TNIK: variants seen among roughly 807,000 people sequenced by gnomAD.
The protein encoded by TNIK is TRAF2 and NCK interacting kinase.
A neutral mutation model predicts 191.3 loss-of-function variants in TNIK; 49 were observed. That is an observed-to-expected ratio of 0.26 (90% CI 0.20 to 0.32). The LOEUF is 0.32. Ranked by LOEUF, TNIK falls within the 10% of genes least tolerant of loss-of-function variation. The pLI is 1.00. For synonymous variants in TNIK, 594 were observed against 600.9 expected, an observed-to-expected ratio of 0.99 and a Z score of 0.17; for missense variants, 1,155 against 1,702.3, an observed-to-expected ratio of 0.68 and a Z score of 5.66.
At chr3:171,151,770 G>A (rs1436036004) in intron 12 of TNIK, among the ~76,000 whole-genome samples, 3 of 152,308 alleles carry the variant, frequency 2.0e-5, no homozygotes, top group South Asian at 2.1e-4. Flanking sequence ...GGACTTTCCA[G>A]AGCATCAATA....
At chr3:171,115,691 G>T (rs904177089) in intron 18 of TNIK, among the ~76,000 whole-genome samples, 2 of 152,208 alleles carry the variant, frequency 1.3e-5, no homozygotes, top group Admixed American at 1.3e-4. Flanking sequence ...CACTGGGAGA[G>T]TGGAGTGATC....
intron 3 of TNIK, among the ~76,000 whole-genome samples, chr3:171,215,164 T>C (rs1428544729): frequency 6.6e-6 from 1 of 152,062 alleles, no homozygotes; most frequent in Non-Finnish European, 1.5e-5. Flanking sequence ...TCAACCCCCA[T>C]GTGAGAAACC....
chr3:171,301,598 AGC>A (rs2108271491), intron 2 of TNIK, among the ~76,000 whole-genome samples: 1 of 152,342 alleles, frequency 6.6e-6, no homozygotes, highest in South Asian at 2.1e-4. Context: ...TACAGGCGTG[AGC>A]CACCACATCC....
At chr3:171,067,745 T>C (rs1247676308) in intron 30 of TNIK, among the ~76,000 whole-genome samples, 1 of 152,052 alleles carries the variant, frequency 6.6e-6, no homozygotes, top group African/African-American at 2.4e-5. Context: ...AATGTGATGT[T>C]GTTGTGATCC....
At chr3:171,101,752 GACAA>G in intron 21 of TNIK, 119 bp from the exon 22 acceptor site, 3 of 921,774 alleles carry the variant, frequency 3.3e-6, no homozygotes, top group African/African-American at 1.7e-5. Flanking sequence ...ATAGAACTGT[GACAA>G]ACATAGTTAC....
chr3:171,087,247 G>T, intron 24 of TNIK, 95 bp downstream of exon 24: 1 of 1,532,066 alleles, frequency 6.5e-7, no homozygotes, highest in Non-Finnish European at 8.8e-7. Flanking sequence ...CAAGTTTCAA[G>T]GAGCTTGGCG....
intron 2 of TNIK, among the ~76,000 whole-genome samples, chr3:171,287,213 A>G (rs1021560118): frequency 6.6e-6 from 1 of 152,134 alleles, no homozygotes; most frequent in Non-Finnish European, 1.5e-5. Context: ...AACAGAAACA[A>G]CAAAAAAAAC....
intron 1 of TNIK, among the ~76,000 whole-genome samples, chr3:171,448,860 A>G (rs901742249): frequency 2.6e-5 from 4 of 152,090 alleles, no homozygotes; most frequent in East Asian, 1.9e-4. Flanking sequence ...CCATCAACCC[A>G]TCATATACAT....
chr3:171,322,632 A>G (rs1187012247), intron 2 of TNIK, among the ~76,000 whole-genome samples: 3 of 152,198 alleles, frequency 2.0e-5, no homozygotes, highest in African/African-American at 7.2e-5. Flanking sequence ...TACTTCTACC[A>G]TATACGCACA....
At chr3:171,424,890 A>T (rs908459835) in intron 1 of TNIK, among the ~76,000 whole-genome samples, 23 of 151,258 alleles carry the variant, frequency 1.5e-4, no homozygotes, top group African/African-American at 5.3e-4. Context: ...GTTAAATGAC[A>T]AGTTAATGGG....
chr3:171,178,587 A>G (rs910118083), intron 7 of TNIK, among the ~76,000 whole-genome samples: 4 of 152,174 alleles, frequency 2.6e-5, no homozygotes, highest in Non-Finnish European at 4.4e-5. Context: ...TCTGTGGCTC[A>G]GTAGTCTCTA....
chr3:171,348,039 C>CTAGG (rs2108428406), intron 2 of TNIK, among the ~76,000 whole-genome samples: 1 of 152,280 alleles, frequency 6.6e-6, no homozygotes, highest in African/African-American at 2.4e-5. Flanking sequence ...GTTGTCTGTG[C>CTAGG]ATGGTAGCCA....
chr3:171,212,467 C>T (rs1047184754), intron 3 of TNIK, among the ~76,000 whole-genome samples: 3 of 152,096 alleles, frequency 2.0e-5, no homozygotes, highest in African/African-American at 4.8e-5. Context: ...CTCTCTTCTC[C>T]CTATATTGTA....
At chr3:171,100,696 C>T (rs1170145039) in intron 22 of TNIK, among the ~76,000 whole-genome samples, 4 of 139,368 alleles carry the variant, frequency 2.9e-5, no homozygotes, top group East Asian at 2.1e-4. Context: ...GGTTCTTTCA[C>T]GGGATCCACT....
intron 14 of TNIK, 21 bp from the exon 15 acceptor site, chr3:171,138,400 G>A (rs772238071): frequency 6.6e-7 from 1 of 1,505,682 alleles, no homozygotes; most frequent in East Asian, 2.4e-5. Context: ...CAGGAAAGAG[G>A]AGCAAAGAAA....
At chr3:171,390,969 G>A (rs555815398) in intron 1 of TNIK, among the ~76,000 whole-genome samples, 14 of 152,090 alleles carry the variant, frequency 9.2e-5, no homozygotes, top group Non-Finnish European at 1.5e-4. Flanking sequence ...ACCTTTCAAC[G>A]GTCCTTCAAC....
intron 1 of TNIK, among the ~76,000 whole-genome samples, chr3:171,393,423 G>T (rs1427218364): frequency 6.6e-6 from 1 of 152,150 alleles, no homozygotes; most frequent in Non-Finnish European, 1.5e-5. Context: ...CTTTAAAAGT[G>T]CCCCCAAGGG....
At chr3:171,126,343 G>A (rs946956644) in intron 16 of TNIK, among the ~76,000 whole-genome samples, 192 bp from the exon 17 acceptor site, 1 of 152,104 alleles carries the variant, frequency 6.6e-6, no homozygotes, top group African/African-American at 2.4e-5. Context: ...GATATGTAGG[G>A]TTGGCACAAA....
At chr3:171,139,817 A>T (rs528946226) in intron 13 of TNIK, among the ~76,000 whole-genome samples, 1 of 152,204 alleles carries the variant, frequency 6.6e-6, no homozygotes, top group South Asian at 2.1e-4. Flanking sequence ...GGTTTTAATA[A>T]GCCCAGCTAC....
Sources: allele counts gnomAD v4.1 joint callset (sites outside exome capture counted in the v4.1 genomes callset), GRCh38; gene constraint gnomAD v4.1.1; transcripts MANE v1.5; gene names NCBI Gene and HGNC (gene_info 2026-07-23, HGNC 2026-07-21).